The following SLC25A13 variants were observed in gnomAD, a reference collection of about 807,000 sequenced individuals.
The protein encoded by SLC25A13 is solute carrier family 25 member 13, also known as electrogenic aspartate/glutamate antiporter SLC25A13, mitochondrial.
A neutral mutation model predicts 85.5 loss-of-function variants in SLC25A13; 70 were observed. The observed-to-expected ratio is 0.82, with a 90% CI of 0.68 to 1.00. The LOEUF is 1.00. Ranked by LOEUF, SLC25A13 falls within the 50% of genes least tolerant of loss-of-function variation. SLC25A13 has a pLI of 0.00. For missense variants in SLC25A13, 765 were observed against 819.8 expected (o/e 0.93, Z 0.82); for synonymous variants, 259 against 288.7 (o/e 0.90, Z 1.04).
intron 15 of SLC25A13, among the ~76,000 whole-genome samples, chr7:96,127,912 G>A (rs559330546): frequency 6.6e-6 from 1 of 152,216 alleles, no homozygotes; most frequent in South Asian, 2.1e-4. Context: ...GCTCTTCTTG[G>A]CAACCACAAA....
chr7:96,146,474 TG>T, intron 14 of SLC25A13, 81 bp downstream of exon 14: 1 of 1,546,946 alleles, frequency 6.5e-7, no homozygotes, highest in Non-Finnish European at 8.8e-7. Context: ...CAAAAAAAAA[TG>T]GATTTCATGT....
At chr7:96,219,299 A>G (rs1259697722) in intron 4 of SLC25A13, among the ~76,000 whole-genome samples, 1 of 152,176 alleles carries the variant, frequency 6.6e-6, no homozygotes, top group African/African-American at 2.4e-5. Context: ...GGTGATAGGT[A>G]TCTTTCAAAA....
intron 11 of SLC25A13, among the ~76,000 whole-genome samples, chr7:96,176,861 ATCTAGGGCAT>A (rs1794241810): frequency 6.6e-6 from 1 of 152,298 alleles, no homozygotes; most frequent in East Asian, 1.9e-4. Context: ...AAAATGAACA[ATCTAGGGCAT>A]GGGCTTTGGA....
chr7:96,296,850 AT>A, intron 2 of SLC25A13, 47 bp downstream of exon 2: 1 of 1,505,058 alleles, frequency 6.6e-7, no homozygotes, highest in South Asian at 1.1e-5. Context: ...TTTAAAAGTT[AT>A]AGAACACAAA....
At chr7:96,284,251 GA>G (rs1798802409) in intron 2 of SLC25A13, among the ~76,000 whole-genome samples, 1 of 152,040 alleles carries the variant, frequency 6.6e-6, no homozygotes, top group African/African-American at 2.4e-5. Flanking sequence ...TAGACTGAGA[GA>G]TAAATAAATA....
chr7:96,314,641 G>A (rs1800066364), intron 1 of SLC25A13, among the ~76,000 whole-genome samples: 2 of 152,120 alleles, frequency 1.3e-5, no homozygotes, highest in African/African-American at 4.8e-5. Flanking sequence ...CGCTCAGCAG[G>A]AATGCCATAA....
intron 14 of SLC25A13, among the ~76,000 whole-genome samples, chr7:96,133,624 C>T (rs946291609): frequency 5.3e-5 from 8 of 152,124 alleles, no homozygotes; most frequent in African/African-American, 1.7e-4. Context: ...AGTTATAATT[C>T]GGGCTGTTAT....
Position 96,277,181 on chromosome 7 carries a change from T to C in SLC25A13, c.212+15A>G. Reference sequence around the variant, plus strand: ...AACAAAAAGAATTAAATAAAATAATTAAAAATAAACATACCCATCTTTGGT... The same window carrying C: ...AACAAAAAGAATTAAATAAAATAATCAAAAATAAACATACCCATCTTTGGT... On this transcript the variant is annotated intron_variant, in intron 3 of 17. Coordinates refer to ENST00000265631, the MANE Select transcript of SLC25A13 (RefSeq NM_014251.3). 1 of 1,538,042 alleles carries C rather than the reference T, an allele frequency of 6.5e-7. No homozygotes were observed. Among genetic ancestry groups the C allele is most frequent in the African/African-American group, 1.4e-5 (1 of 72,176 alleles).
intron 3 of SLC25A13, among the ~76,000 whole-genome samples, chr7:96,242,856 G>A (rs1182400544): frequency 6.6e-6 from 1 of 152,174 alleles, no homozygotes. Context: ...AAACCAAGCT[G>A]CACCCCGACC....
At chr7:96,122,591 G>A (rs1313569407) in intron 15 of SLC25A13, among the ~76,000 whole-genome samples, 2 of 152,062 alleles carry the variant, frequency 1.3e-5, no homozygotes, top group Non-Finnish European at 2.9e-5. Flanking sequence ...TTCGGGGAGG[G>A]GGTGAAATTG....
At chr7:96,195,251 T>G (rs1795015970) in intron 5 of SLC25A13, among the ~76,000 whole-genome samples, 1 of 152,218 alleles carries the variant, frequency 6.6e-6, no homozygotes, top group Non-Finnish European at 1.5e-5. Context: ...TGTTCACAGC[T>G]TAATTATTAG....
intron 11 of SLC25A13, among the ~76,000 whole-genome samples, chr7:96,179,388 C>T (rs950322962): frequency 3.9e-5 from 6 of 152,300 alleles, no homozygotes; most frequent in Middle Eastern, 3.4e-3. Context: ...GATACCTACA[C>T]GTCTATCTTT....
At chr7:96,148,370 T>C (rs1217215831) in intron 13 of SLC25A13, among the ~76,000 whole-genome samples, 1 of 152,284 alleles carries the variant, frequency 6.6e-6, no homozygotes. Flanking sequence ...TGCAGGTCCA[T>C]GAGAAGAACA....
chr7:96,295,916 A>G (rs1253449906), intron 2 of SLC25A13, among the ~76,000 whole-genome samples: 1 of 151,718 alleles, frequency 6.6e-6, no homozygotes, highest in Non-Finnish European at 1.5e-5. Context: ...ATGTGTGTAT[A>G]TTATCTTACA....
chr7:96,265,335 T>C (rs1798008848), intron 3 of SLC25A13, among the ~76,000 whole-genome samples: 1 of 152,232 alleles, frequency 6.6e-6, no homozygotes, highest in Non-Finnish European at 1.5e-5. Context: ...AAAGCCACAT[T>C]CATTAACATC....
chr7:96,244,899 C>T (rs1053067015), intron 3 of SLC25A13, among the ~76,000 whole-genome samples: 1 of 152,180 alleles, frequency 6.6e-6, no homozygotes, highest in East Asian at 1.9e-4. Context: ...ATCGTTATCA[C>T]AAATTTGGCC....
chr7:96,299,030 A>G (rs1799456132), intron 1 of SLC25A13, among the ~76,000 whole-genome samples: 1 of 152,196 alleles, frequency 6.6e-6, no homozygotes. Context: ...TTTCAAAAGC[A>G]TATGGTACCC....
chr7:96,251,820 A>G (rs1207637770), intron 3 of SLC25A13, among the ~76,000 whole-genome samples: 1 of 152,246 alleles, frequency 6.6e-6, no homozygotes, highest in Non-Finnish European at 1.5e-5. Context: ...CTTACTGCCC[A>G]TTTGAAGCAT....
intron 14 of SLC25A13, among the ~76,000 whole-genome samples, chr7:96,133,658 G>A (rs565598797): frequency 8.1e-4 from 124 of 152,264 alleles, no homozygotes; most frequent in African/African-American, 2.9e-3. Flanking sequence ...CAATATCAGC[G>A]TTTAGTTTCT....
Sources: allele counts gnomAD v4.1 joint callset (sites outside exome capture counted in the v4.1 genomes callset), GRCh38; gene constraint gnomAD v4.1.1; transcripts MANE v1.5; gene names NCBI Gene and HGNC (gene_info 2026-07-23, HGNC 2026-07-21).